The following SOCS2 variants were observed in gnomAD, a reference collection of about 807,000 sequenced individuals.
The protein encoded by SOCS2 is CIS-2.
A neutral mutation model predicts 18.6 loss-of-function variants in SOCS2; 10 were observed. That is an observed-to-expected ratio of 0.54 (90% confidence interval 0.33 to 0.91). The LOEUF is 0.91. Ranked by LOEUF, SOCS2 falls within the 40% of genes least tolerant of loss-of-function variation. The probability of loss-of-function intolerance (pLI) is 0.02; values close to 1 mark genes in which losing one functional copy is unlikely to be tolerated. For synonymous variants in SOCS2, 104 were observed against 104.0 expected, an observed-to-expected ratio of 1.00 and a Z score of 0.00; for missense variants, 231 against 247.2, an observed-to-expected ratio of 0.93 and a Z score of 0.44.
the SOCS2 span, among the ~76,000 whole-genome samples, chr12:93,604,691 G>A: frequency 2.6e-5 from 4 of 152,050 alleles, no homozygotes; most frequent in Non-Finnish European, 5.9e-5. Context: ...ACAGGGTTTC[G>A]TTTTGTCGCC....
chr12:93,594,195 T>A, the SOCS2 span, among the ~76,000 whole-genome samples: 1 of 152,222 alleles, frequency 6.6e-6, no homozygotes, highest in East Asian at 1.9e-4. Context: ...CACACATCCA[T>A]TTTTATAATC....
chr12:93,611,614 A>G, the SOCS2 span, among the ~76,000 whole-genome samples: 1 of 152,166 alleles, frequency 6.6e-6, no homozygotes, highest in Non-Finnish European at 1.5e-5. Context: ...AAAGCACCTA[A>G]TTGCTTACCA....
At position 93,575,521 on chromosome 12, in the gene SOCS2, A is replaced by C. The variant is rs2136702927; in HGVS notation, c.*342A>C. On this transcript the variant is annotated 3_prime_UTR_variant, in exon 2 of 2. Coordinates refer to ENST00000551556, the MANE Select transcript of SOCS2 (RefSeq NM_001270471.2). Reference sequence around the variant, plus strand: ...CCATTATGTCAAAGGTCCAGGCTCCAGTAGGAGAGAAAGAACTCCTCATAG... The same window carrying C: ...CCATTATGTCAAAGGTCCAGGCTCCCGTAGGAGAGAAAGAACTCCTCATAG... The C allele has an allele frequency of 6.2e-6, 1 of 161,894 alleles. No individual in the cohort carries two copies. Among genetic ancestry groups the C allele is most frequent in the African/African-American group, 2.4e-5 (1 of 41,698 alleles). 10.0% of individuals were successfully genotyped at this position (161,894 alleles called of 1,614,324 possible).
chr12:93,623,153 G>A, the SOCS2 span, among the ~76,000 whole-genome samples: 4 of 152,036 alleles, frequency 2.6e-5, no homozygotes, highest in Non-Finnish European at 5.9e-5. Context: ...TTGGATCATG[G>A]GGGCAGCTTC....
the SOCS2 span, among the ~76,000 whole-genome samples, chr12:93,616,413 CA>C: frequency 6.6e-6 from 1 of 152,220 alleles, no homozygotes; most frequent in Admixed American, 6.5e-5. Context: ...CTGATACAAC[CA>C]TGCCTGACCT....
At chr12:93,586,562 C>T (rs989325186), downstream of SOCS2, among the ~76,000 whole-genome samples, 27 of 152,256 alleles carry the variant, frequency 1.8e-4, no homozygotes, top group Non-Finnish European at 2.2e-4. Flanking sequence ...TTCTGTATAA[C>T]GAAAATACCA....
At chr12:93,616,617 A>G in the SOCS2 span, among the ~76,000 whole-genome samples, 1 of 152,096 alleles carries the variant, frequency 6.6e-6, no homozygotes, top group African/African-American at 2.4e-5. Context: ...AATACCACCC[A>G]CTGTCACATA....
the SOCS2 span, among the ~76,000 whole-genome samples, chr12:93,601,846 C>T: frequency 3.3e-5 from 5 of 152,018 alleles, no homozygotes; most frequent in Admixed American, 2.6e-4. Context: ...ATTCCTGCTT[C>T]CTATTCCTGT....
the SOCS2 span, among the ~76,000 whole-genome samples, chr12:93,607,045 G>A: frequency 1.3e-5 from 2 of 152,302 alleles, no homozygotes; most frequent in Admixed American, 6.5e-5. Context: ...ACCTAGACCA[G>A]GGAAATATCA....
chr12:93,623,765 C>T, the SOCS2 span, among the ~76,000 whole-genome samples: 35 of 152,070 alleles, frequency 2.3e-4, no homozygotes, highest in African/African-American at 8.2e-4. Flanking sequence ...GGAGTGCAAT[C>T]GCGATCTCAG....
At position 93,572,795 on chromosome 12, in the gene SOCS2, G is replaced by A. The variant is rs1445814129; in HGVS notation, c.-103G>A. ...CTGCCACCATTTCGGACACCCCGCA[G>A]GGACTCGTTTTGGGATTCGCACTGA... is the stretch of plus-strand genomic sequence containing the variant. On this transcript the variant is annotated 5_prime_UTR_variant, in exon 1 of 2. Coordinates refer to ENST00000551556, the MANE Select transcript of SOCS2 (RefSeq NM_001270471.2). The surrounding 1 kb of genome is among the most constrained non-coding windows in gnomAD (Gnocchi z 5.0). 1 of 1,451,466 alleles carries A rather than the reference G, an allele frequency of 6.9e-7. No homozygotes were observed. Among genetic ancestry groups the A allele is most frequent in the South Asian group, 1.2e-5 (1 of 82,024 alleles). The allele number at this position is 1,451,466 out of a possible 1,614,324, so 89.9% of individuals were successfully genotyped here.
chr12:93,575,199 C>T lies in SOCS2; in HGVS notation c.*20C>T. The T allele has an allele frequency of 1.3e-6, 2 of 1,495,618 alleles. No individual in the cohort carries two copies. Among genetic ancestry groups the T allele is most frequent in the East Asian group, 2.3e-5 (1 of 43,818 alleles). 92.6% of individuals were successfully genotyped at this position (1,495,618 alleles called of 1,614,324 possible). A position where few individuals can be genotyped will look rare whatever the true frequency, so the allele number is the denominator to read the frequency against. ...GTATAAATGTTTCTCTTTTTTTAAA[C>T]ATGTCTCACATAGAGTATCTCCGAA... is the stretch of plus-strand genomic sequence containing the variant. On this transcript the variant is annotated 3_prime_UTR_variant, in exon 2 of 2. Coordinates refer to ENST00000551556, the MANE Select transcript of SOCS2 (RefSeq NM_001270471.2).
chr12:93,573,298 A>G lies in SOCS2; in HGVS notation c.139+262A>G, dbSNP rs1022877162. 46 of 572,950 alleles carry G rather than the reference A, an allele frequency of 8.0e-5. No homozygotes were observed. In the South Asian group the frequency reaches 1.0e-3, roughly 13 times the overall value. The allele number at this position is 572,950 out of a possible 1,614,324, so 35.5% of individuals were successfully genotyped here. A position where few individuals can be genotyped will look rare whatever the true frequency, so the allele number is the denominator to read the frequency against. ...AGCTTCTTAGCACGCTGGAAGATTT[A>G]CTGTTTTCCGCAGCTGCTCAGGGTT... On this transcript the variant is annotated intron_variant, in intron 1 of 1. Transcript: ENST00000551556.
chr12:93,590,242 A>T, the SOCS2 span, among the ~76,000 whole-genome samples: 1 of 152,068 alleles, frequency 6.6e-6, no homozygotes, highest in Non-Finnish European at 1.5e-5. Context: ...CTCAAAAAAA[A>T]AAAAGAATAA....
chr12:93,598,118 T>G, the SOCS2 span, among the ~76,000 whole-genome samples: 91 of 151,926 alleles, frequency 6.0e-4, no homozygotes, highest in East Asian at 0.015. Flanking sequence ...GCAGGGAAAG[T>G]GGGGAAGTGA....
At chr12:93,578,791 A>G (rs1018520585), downstream of SOCS2, among the ~76,000 whole-genome samples, 9 of 152,088 alleles carry the variant, frequency 5.9e-5, no homozygotes, top group Non-Finnish European at 1.2e-4. Context: ...TATTTGTAAA[A>G]GTTGCACGCT....
downstream of SOCS2, among the ~76,000 whole-genome samples, chr12:93,587,780 C>T (rs1200027967): frequency 2.0e-5 from 3 of 151,996 alleles, no homozygotes; most frequent in Admixed American, 1.3e-4. Flanking sequence ...ACAGTTTGTT[C>T]CCATAAGTTC....
chr12:93,574,988 A>G lies in SOCS2; in HGVS notation c.406A>G (p.Lys136Glu). 1 of 1,614,150 alleles carries G rather than the reference A, an allele frequency of 6.2e-7. No individual in the cohort carries two copies. The highest frequency in any genetic ancestry group is 8.5e-7 in the Non-Finnish European group (1 of 1,180,030). ...IDYYVQMCKD[K>E]RTGPEAPRNG... ...CTACTATGTTCAGATGTGCAAGGAT[A>G]AGCGGACAGGTCCAGAAGCCCCCCG... is the stretch of plus-strand genomic sequence containing the variant. Residue 136 changes from lysine to glutamate, a missense_variant, in exon 2 of 2, where the codon AAG (lysine) becomes GAG (glutamate). Physicochemically the swap from Lys to Glu is moderately conservative, Grantham distance 56. Transcript: ENST00000551556.
downstream of SOCS2, among the ~76,000 whole-genome samples, chr12:93,578,680 T>TTG (rs1361810535): frequency 8.5e-6 from 1 of 116,960 alleles, no homozygotes; most frequent in Non-Finnish European, 1.8e-5. Flanking sequence ...ATTTGCATGC[T>TTG]CGCACACACA....
Sources: allele counts gnomAD v4.1 joint callset (sites outside exome capture counted in the v4.1 genomes callset), GRCh38; gene constraint gnomAD v4.1.1; non-coding constraint Gnocchi (gnomAD v3.1); transcripts MANE v1.5; gene names NCBI Gene and HGNC (gene_info 2026-07-23, HGNC 2026-07-21).